DSCAML1: variants seen among roughly 807,000 people sequenced by gnomAD.
DSCAML1 encodes cell adhesion molecule DSCAML1.
In DSCAML1, 38 loss-of-function variants were observed where a neutral mutation model predicts 200.5. The observed-to-expected ratio is 0.19, with a 90% confidence interval of 0.15 to 0.25. DSCAML1 has a LOEUF of 0.25. Among genes scored for constraint, DSCAML1 ranks in the 10% least tolerant of loss-of-function variants. DSCAML1 has a pLI of 1.00. For synonymous variants in DSCAML1, 1,215 were observed against 1,165.0 expected (o/e 1.04, Z -0.87); for missense variants, 2,223 against 2,858.8 (o/e 0.78, Z 5.07).
chr11:117,811,611 C>T (rs1032738723), intron 1 of DSCAML1, among the ~76,000 whole-genome samples: 1 of 152,184 alleles, frequency 6.6e-6, no homozygotes, highest in African/African-American at 2.4e-5. Context: ...AGGATTCCTC[C>T]TAAGCCGTGT....
At chr11:117,693,328 A>G (rs995546822) in intron 3 of DSCAML1, among the ~76,000 whole-genome samples, 2 of 152,136 alleles carry the variant, frequency 1.3e-5, no homozygotes, top group Admixed American at 6.5e-5. Context: ...CTTTCATCCC[A>G]TCATTCCAAT....
At chr11:117,728,921 T>C (rs2054176105) in intron 3 of DSCAML1, among the ~76,000 whole-genome samples, 1 of 152,144 alleles carries the variant, frequency 6.6e-6, no homozygotes, top group African/African-American at 2.4e-5. Flanking sequence ...AGCTGATCTT[T>C]AAAAAAGTGT....
intron 5 of DSCAML1, among the ~76,000 whole-genome samples, chr11:117,522,892 TC>T (rs1368099297): frequency 6.6e-6 from 1 of 151,998 alleles, no homozygotes; most frequent in Non-Finnish European, 1.5e-5. Context: ...TCACATTGAT[TC>T]CCCTTGAACC....
intron 3 of DSCAML1, among the ~76,000 whole-genome samples, chr11:117,675,409 C>T (rs931602760): frequency 1.3e-5 from 2 of 152,042 alleles, no homozygotes; most frequent in Admixed American, 6.5e-5. Context: ...GCGATCTTCC[C>T]GCCTCAGCTT....
chr11:117,507,245 T>A (rs928010855), intron 8 of DSCAML1, among the ~76,000 whole-genome samples: 3 of 152,170 alleles, frequency 2.0e-5, no homozygotes, highest in Non-Finnish European at 2.9e-5. Flanking sequence ...ATAATTAAAT[T>A]ACAAGGCCAT....
intron 3 of DSCAML1, among the ~76,000 whole-genome samples, chr11:117,567,860 C>G (rs1236703271): frequency 1.3e-5 from 2 of 152,082 alleles, no homozygotes; most frequent in Non-Finnish European, 2.9e-5. Context: ...GGAATCCTCC[C>G]TAACTCATTT....
chr11:117,602,644 A>G (rs982051254), intron 3 of DSCAML1, among the ~76,000 whole-genome samples: 3 of 152,046 alleles, frequency 2.0e-5, no homozygotes, highest in African/African-American at 7.2e-5. Flanking sequence ...TACAGGTGAG[A>G]GCCACCGTAG....
At chr11:117,467,193 A>ACACCCCCCCCCCCCCCCCCCCCCCCC (rs1555172719) in intron 16 of DSCAML1, among the ~76,000 whole-genome samples, 1 of 109,516 alleles carries the variant, frequency 9.1e-6, no homozygotes, top group Admixed American at 1.0e-4. Flanking sequence ...GTGCACACAC[A>ACACCCCCCCCCCCCCCCCCCCCCCCC]CCTCCCCCCT....
At position 117,516,602 on chromosome 11, in the gene DSCAML1, G is replaced by A. The variant is rs774937072; in HGVS notation, c.1648C>T (p.Arg550Cys). Residue 550 changes from arginine (R) to cysteine (C), a missense_variant, in exon 8 of 33, where the codon CGC (arginine) becomes TGC (cysteine). Coordinates refer to ENST00000651296, the MANE Select transcript of DSCAML1 (RefSeq NM_020693.4). This position sits in a 1 kb window ranked among gnomAD's most constrained non-coding sequence, Gnocchi z 5.7. The part of the protein sequence containing the change: ...KDALLLPDNH[R>C]QVVFENGTLK... ...GTCCCATTCTCAAACACCACCTGGC[G>A]GTGGTTGTCTGGCAGCAGCAGGGCA... 1.2e-6 allele frequency: 2 copies of A among 1,614,120 alleles called. No individual in the cohort carries two copies. Among genetic ancestry groups the A allele is most frequent in the Non-Finnish European group, 8.5e-7 (1 of 1,180,032 alleles).
intron 3 of DSCAML1, among the ~76,000 whole-genome samples, chr11:117,690,795 C>T (rs1380998856): frequency 6.6e-6 from 1 of 152,224 alleles, no homozygotes; most frequent in Admixed American, 6.5e-5. Flanking sequence ...TCACTCTGTG[C>T]TTCATGAAGC....
At chr11:117,678,595 G>A (rs914250632) in intron 3 of DSCAML1, among the ~76,000 whole-genome samples, 2 of 152,206 alleles carry the variant, frequency 1.3e-5, no homozygotes, top group African/African-American at 2.4e-5. Flanking sequence ...AAGCATTTCC[G>A]AAAAGGTGAC....
At chr11:117,608,159 G>C (rs571360245) in intron 3 of DSCAML1, among the ~76,000 whole-genome samples, 1 of 152,126 alleles carries the variant, frequency 6.6e-6, no homozygotes, top group Admixed American at 6.5e-5. Flanking sequence ...GTAAATCTAC[G>C]GGGGGATATA....
chr11:117,772,874 G>T (rs1022979015), intron 3 of DSCAML1, among the ~76,000 whole-genome samples: 2 of 152,164 alleles, frequency 1.3e-5, no homozygotes, highest in African/African-American at 4.8e-5. Context: ...GTGGGAGTCT[G>T]CCAGATACAA....
intron 3 of DSCAML1, among the ~76,000 whole-genome samples, chr11:117,579,754 G>C (rs1216130111): frequency 6.6e-6 from 1 of 152,074 alleles, no homozygotes; most frequent in Non-Finnish European, 1.5e-5. Flanking sequence ...TGTATTCCTG[G>C]TGCCTAGAAC....
chr11:117,686,095 C>T (rs1251877726), intron 3 of DSCAML1, among the ~76,000 whole-genome samples: 2 of 152,172 alleles, frequency 1.3e-5, no homozygotes, highest in African/African-American at 4.8e-5. Context: ...ACCAGGTTCC[C>T]TCCCCACTAC....
chr11:117,684,280 CCTT>C (rs1013388796), intron 3 of DSCAML1, among the ~76,000 whole-genome samples: 1 of 151,958 alleles, frequency 6.6e-6, no homozygotes, highest in African/African-American at 2.4e-5. Flanking sequence ...TTTCCCTTCT[CCTT>C]CTTTCTCCCC....
chr11:117,475,313 T>C (rs2048768928), intron 14 of DSCAML1, among the ~76,000 whole-genome samples: 1 of 152,182 alleles, frequency 6.6e-6, no homozygotes, highest in Non-Finnish European at 1.5e-5. Flanking sequence ...ACAAATCTGA[T>C]ACTGCCATTC....
intron 3 of DSCAML1, among the ~76,000 whole-genome samples, chr11:117,670,598 G>T (rs193222243): frequency 5.3e-5 from 8 of 152,114 alleles, no homozygotes; most frequent in Non-Finnish European, 8.8e-5. Flanking sequence ...GAAGGCTGAC[G>T]GGAGGGGTCA....
chr11:117,428,474 G>T lies in DSCAML1; in HGVS notation c.6016C>A (p.Pro2006Thr). ...CCGGCTCGTGGAGGCTCGGTGCTGGGGGCCGGAGGGGCAGCGCTGGGGGCG... is the reference window on the plus strand; with the variant it reads ...CCGGCTCGTGGAGGCTCGGTGCTGGTGGCCGGAGGGGCAGCGCTGGGGGCG... ...PTAPSAAPPAPSTEPPRAGGP... is the reference protein window; with the variant it reads ...PTAPSAAPPATSTEPPRAGGP... Residue 2006 changes from proline (P) to threonine (T), a missense_variant, in exon 33 of 33, where the codon CCC (proline) becomes ACC (threonine). Physicochemically the swap from Pro to Thr is conservative, Grantham distance 38. This residue lies in a region of DSCAML1 where 280 missense variants were observed against 213.4 expected (regional missense o/e 1.31). Coordinates refer to ENST00000651296, the MANE Select transcript of DSCAML1 (RefSeq NM_020693.4). 1 of 1,534,910 alleles carries T rather than the reference G, an allele frequency of 6.5e-7. No individual in the cohort carries two copies. The highest frequency in any genetic ancestry group is 8.8e-7 in the Non-Finnish European group (1 of 1,141,072).
Sources: gnomAD v4.1 joint callset for allele counts (sites outside exome capture counted in the v4.1 genomes callset) on GRCh38, gnomAD v4.1.1 for gene constraint, gnomAD v4.1.1 regional missense constraint, Gnocchi (gnomAD v3.1) non-coding constraint, MANE v1.5 for transcripts, NCBI Gene and HGNC (gene_info 2026-07-23, HGNC 2026-07-21) for gene names.